DOK6: variants seen among roughly 807,000 people sequenced by gnomAD.
DOK6 encodes the protein docking protein 6, also known as downstream of tyrosine kinase 6.
Under a neutral mutation model 44.0 loss-of-function variants are expected in DOK6, and 22 were observed. The ratio of observed to expected loss-of-function variants is 0.50; its 90% CI spans 0.36 to 0.71. The LOEUF is 0.71. Ranked by LOEUF, DOK6 falls within the 30% of genes least tolerant of loss-of-function variation. The pLI is 0.00. For missense variants in DOK6, 340 were observed against 416.4 expected (o/e 0.82, Z 1.60); for synonymous variants, 166 against 145.5 (o/e 1.14, Z -1.01).
intron 5 of DOK6, among the ~76,000 whole-genome samples, chr18:69,731,378 A>C (rs983741692): frequency 6.6e-6 from 1 of 152,200 alleles, no homozygotes; most frequent in Non-Finnish European, 1.5e-5. Flanking sequence ...TCTAAAATCT[A>C]ATACAGTGCC....
At chr18:69,471,177 G>T (rs1980091731) in intron 1 of DOK6, among the ~76,000 whole-genome samples, 1 of 148,948 alleles carries the variant, frequency 6.7e-6, no homozygotes. Flanking sequence ...TTGAACCTGG[G>T]AGGCAGAGGT....
At chr18:69,757,660 T>C in intron 6 of DOK6, 96 bp from the exon 7 acceptor site, 2 of 977,184 alleles carry the variant, frequency 2.0e-6, no homozygotes, top group Admixed American at 1.8e-5. Context: ...TAGCAGATTC[T>C]ATCTGTCACT....
rs188610745 is a variant in DOK6, at chr18:69,612,925, A to G, written c.289+13427A>G. ...GAGACAGGGTCTTGCTCTGTTGCCCAGGCTTAAGTGCAGTGGCATGATCAT... is the reference window on the plus strand; with the variant it reads ...GAGACAGGGTCTTGCTCTGTTGCCCGGGCTTAAGTGCAGTGGCATGATCAT... On this transcript the variant is annotated intron_variant, in intron 3 of 7. Transcript: ENST00000382713. Among the ~76,000 whole-genome samples the G allele has an allele frequency of 2.0e-5, 3 of 147,982 alleles. No homozygotes were observed. In the East Asian group the frequency reaches 5.9e-4, roughly 29 times the overall value.
chr18:69,708,498 GC>G (rs978424975), intron 5 of DOK6, among the ~76,000 whole-genome samples: 1 of 152,096 alleles, frequency 6.6e-6, no homozygotes, highest in African/African-American at 2.4e-5. Context: ...GAAATAATGT[GC>G]TTTGAGGCCG....
rs181435629 is a variant in DOK6, at chr18:69,682,133, T to C, written c.409+4280T>C. On this transcript the variant is annotated intron_variant, in intron 4 of 7. Coordinates refer to ENST00000382713, the MANE Select transcript of DOK6 (RefSeq NM_152721.6). ...TATTACCTGGTTGCTATGGTAAACA[T>C]GCTTCCTACATTCAACTCAGACACC... Among the ~76,000 whole-genome samples the C allele has an allele frequency of 4.6e-5, 7 of 152,338 alleles. 1 individual carries two copies. The East Asian group carries it at 1.3e-3, about 29-fold the overall frequency.
chr18:69,745,412 T>A lies in DOK6; in HGVS notation c.738+6309T>A, dbSNP rs117503007. On this transcript the variant is annotated intron_variant, in intron 6 of 7. Transcript: ENST00000382713. ...CCAACATACAGACATTATGACAACATACACACATATAACCCAATGGCTCAG... is the reference window on the plus strand; with the variant it reads ...CCAACATACAGACATTATGACAACAAACACACATATAACCCAATGGCTCAG... Among the ~76,000 whole-genome samples, 192 of 152,330 alleles carry A rather than the reference T, an allele frequency of 1.3e-3. 1 individual carries two copies. In the East Asian group the frequency reaches 0.015, roughly 12 times the overall value.
chr18:69,611,450 C>T (rs1984136624), intron 3 of DOK6, among the ~76,000 whole-genome samples: 2 of 151,626 alleles, frequency 1.3e-5, no homozygotes, highest in Admixed American at 1.3e-4. Flanking sequence ...AGAAATTACA[C>T]TCTTAGGCAT....
chr18:69,492,033 G>A (rs997931126), intron 1 of DOK6, among the ~76,000 whole-genome samples: 5 of 152,092 alleles, frequency 3.3e-5, no homozygotes, highest in African/African-American at 7.2e-5. Flanking sequence ...TCCCAAATCT[G>A]TCTCTTTGCA....
intron 1 of DOK6, among the ~76,000 whole-genome samples, chr18:69,419,047 A>G (rs1978413804): frequency 6.6e-6 from 1 of 152,130 alleles, no homozygotes; most frequent in African/African-American, 2.4e-5. Context: ...ATTTGCCCAT[A>G]GAATACCTTA....
intron 1 of DOK6, among the ~76,000 whole-genome samples, chr18:69,527,374 G>A (rs1009837267): frequency 1.3e-5 from 2 of 152,188 alleles, no homozygotes; most frequent in African/African-American, 4.8e-5. Context: ...CATAGCAGAA[G>A]GGGAAGTAAA....
chr18:69,651,550 G>A (rs1003497154), intron 3 of DOK6, among the ~76,000 whole-genome samples: 1 of 144,498 alleles, frequency 6.9e-6, no homozygotes, highest in African/African-American at 2.6e-5. Flanking sequence ...GTGCAGCAGC[G>A]CGATCTTGGC....
At position 69,487,177 on chromosome 18, in the gene DOK6, ATGTGTGTGTGTGTGTGTGTG is replaced by A. The variant is rs5825940; in HGVS notation, c.67-77284_67-77265del. Among the ~76,000 whole-genome samples the A allele has an allele frequency of 6.4e-3, 902 of 140,470 alleles. 13 individuals carry two copies. Among genetic ancestry groups the A allele is most frequent in the East Asian group, 0.051 (250 of 4,902 alleles). 92.2% of individuals were successfully genotyped at this position (140,470 alleles called of 152,430 possible). A position where few individuals can be genotyped will look rare whatever the true frequency, so the allele number is the denominator to read the frequency against. ...CAATTAGCCTTGGCACTGATAGGATATGTGTGTGTGTGTGTGTGTGTGTGTGTGTGTGTGTGTGTGTGTGT... is the reference window on the plus strand; with the variant it reads ...CAATTAGCCTTGGCACTGATAGGATATGTGTGTGTGTGTGTGTGTGTGTGT... On this transcript the variant is annotated intron_variant, in intron 1 of 7. Transcript: ENST00000382713.
chr18:69,725,844 T>A (rs1978304156), intron 5 of DOK6, among the ~76,000 whole-genome samples: 1 of 152,130 alleles, frequency 6.6e-6, no homozygotes, highest in South Asian at 2.1e-4. Context: ...AATCTAAATA[T>A]ATGGAACAAA....
At chr18:69,788,122 C>T (rs753587360) in intron 7 of DOK6, among the ~76,000 whole-genome samples, 1 of 152,156 alleles carries the variant, frequency 6.6e-6, no homozygotes, top group Non-Finnish European at 1.5e-5. Flanking sequence ...AGTCTCCAAA[C>T]ATCTGTACTT....
intron 7 of DOK6, among the ~76,000 whole-genome samples, chr18:69,775,641 ATAT>A (rs1014972571): frequency 2.0e-5 from 3 of 151,604 alleles, no homozygotes; most frequent in African/African-American, 4.9e-5. Flanking sequence ...GAGTAAATAA[ATAT>A]TATAACAGAC....
intron 7 of DOK6, among the ~76,000 whole-genome samples, chr18:69,761,931 T>A (rs903198413): frequency 7.2e-5 from 11 of 152,046 alleles, no homozygotes; most frequent in Non-Finnish European, 1.6e-4. Context: ...GAAGAAAGAA[T>A]TCTACTGAGG....
intron 1 of DOK6, among the ~76,000 whole-genome samples, chr18:69,523,204 A>G (rs1011166846): frequency 2.0e-5 from 3 of 152,116 alleles, no homozygotes; most frequent in African/African-American, 4.8e-5. Flanking sequence ...TATTGATTCA[A>G]TAAAGTTCTG....
intron 1 of DOK6, among the ~76,000 whole-genome samples, chr18:69,543,194 C>T (rs1199802437): frequency 6.6e-6 from 1 of 151,512 alleles, no homozygotes; most frequent in Non-Finnish European, 1.5e-5. Flanking sequence ...TTTCGGCTGT[C>T]ACTTGGGCTT....
intron 1 of DOK6, among the ~76,000 whole-genome samples, chr18:69,417,419 A>C (rs1240601310): frequency 2.0e-5 from 3 of 152,144 alleles, no homozygotes; most frequent in Admixed American, 6.6e-5. Flanking sequence ...TGGAGGAAGA[A>C]CATTGCGTTG....
Sources: gnomAD v4.1 joint callset for allele counts (sites outside exome capture counted in the v4.1 genomes callset) on GRCh38, gnomAD v4.1.1 for gene constraint, MANE v1.5 for transcripts, NCBI Gene and HGNC (gene_info 2026-07-23, HGNC 2026-07-21) for gene names.